DOK5: variants seen among roughly 807,000 people sequenced by gnomAD.
The protein encoded by DOK5 is downstream of tyrosine kinase 5.
Under a neutral mutation model 43.3 loss-of-function variants are expected in DOK5, and 27 were observed. The ratio of observed to expected loss-of-function variants is 0.62; its 90% CI spans 0.46 to 0.86. The LOEUF is 0.86. DOK5 is among the 40% of genes least tolerant of loss of function. The pLI is 0.00. For missense variants in DOK5, 373 were observed against 392.9 expected, an observed-to-expected ratio of 0.95 and a Z score of 0.43; for synonymous variants, 146 against 140.1, an observed-to-expected ratio of 1.04 and a Z score of -0.30.
At chr20:54,487,305 C>T (rs1435548852) in intron 1 of DOK5, among the ~76,000 whole-genome samples, 2 of 152,122 alleles carry the variant, frequency 1.3e-5, no homozygotes, top group Non-Finnish European at 2.9e-5. Context: ...GACTTAGGTG[C>T]AGAGTGTTCA....
At chr20:54,640,599 G>T (rs1233846190) in intron 6 of DOK5, among the ~76,000 whole-genome samples, 1 of 152,228 alleles carries the variant, frequency 6.6e-6, no homozygotes, top group African/African-American at 2.4e-5. Flanking sequence ...GAACTAGAGA[G>T]CCCGGCTTTG....
In DOK5 at chr20:54,621,450, G is replaced by C. The variant is rs534248221; in HGVS notation, c.735+10927G>C. ...CTCACGCCTGTAATCCCAGCACTTT[G>C]GAAGGCTGAAGCGGGCAGATCACTT... On this transcript the variant is annotated intron_variant, in intron 6 of 7. Transcript: ENST00000262593. 1.6e-4 allele frequency among the ~76,000 whole-genome samples: 24 copies of C among 152,304 alleles called. No homozygotes were observed. The South Asian group carries it at 4.8e-3, about 30-fold the overall frequency.
intron 5 of DOK5, among the ~76,000 whole-genome samples, chr20:54,603,713 C>T (rs1361781442): frequency 6.6e-6 from 1 of 152,130 alleles, no homozygotes; most frequent in African/African-American, 2.4e-5. Context: ...CAGACCACGT[C>T]AGTGTTGCTG....
intron 1 of DOK5, among the ~76,000 whole-genome samples, chr20:54,544,951 T>C (rs373205540): frequency 6.6e-6 from 1 of 152,216 alleles, no homozygotes; most frequent in South Asian, 2.1e-4. Flanking sequence ...TCTTTATGCC[T>C]ACATCTTAGC....
chr20:54,634,286 A>G (rs890165104), intron 6 of DOK5, among the ~76,000 whole-genome samples: 1 of 124,638 alleles, frequency 8.0e-6, no homozygotes, highest in East Asian at 2.6e-4. Flanking sequence ...CAAGGCTTTT[A>G]CTGTGCTGTT....
chr20:54,621,510 G>A (rs1316533414), intron 6 of DOK5, among the ~76,000 whole-genome samples: 2 of 152,070 alleles, frequency 1.3e-5, no homozygotes, highest in Non-Finnish European at 2.9e-5. Flanking sequence ...TGGCCAACAT[G>A]GTGAAACCCT....
At chr20:54,618,321 T>G (rs1986876574) in intron 6 of DOK5, among the ~76,000 whole-genome samples, 1 of 150,932 alleles carries the variant, frequency 6.6e-6, no homozygotes, top group Admixed American at 6.6e-5. Context: ...CCACTGAGCA[T>G]GGTCTTAGCA....
chr20:54,643,304 C>G (rs1600763101), intron 6 of DOK5, among the ~76,000 whole-genome samples, 154 bp from the exon 7 acceptor site: 3 of 152,352 alleles, frequency 2.0e-5, no homozygotes, highest in East Asian at 3.9e-4. Context: ...AAAACAGTAG[C>G]TGGCCACCAT....
chr20:54,620,960 C>T (rs1186404543), intron 6 of DOK5, among the ~76,000 whole-genome samples: 2 of 152,142 alleles, frequency 1.3e-5, no homozygotes, highest in Non-Finnish European at 2.9e-5. Flanking sequence ...CAGATTATGG[C>T]ACATGATATA....
intron 5 of DOK5, among the ~76,000 whole-genome samples, chr20:54,592,541 ATT>A (rs767769473): frequency 7.9e-5 from 11 of 139,996 alleles, no homozygotes; most frequent in Non-Finnish European, 9.4e-5. Flanking sequence ...ACTGCAGGTA[ATT>A]TTTTTTTTTT....
At chr20:54,514,988 T>G (rs2146690893) in intron 1 of DOK5, among the ~76,000 whole-genome samples, 1 of 152,110 alleles carries the variant, frequency 6.6e-6, no homozygotes, top group South Asian at 2.1e-4. Context: ...AGGACCTAAC[T>G]TCAGGCTCTG....
intron 1 of DOK5, among the ~76,000 whole-genome samples, chr20:54,548,443 C>T (rs1263028298): frequency 6.6e-6 from 1 of 151,808 alleles, no homozygotes; most frequent in Non-Finnish European, 1.5e-5. Flanking sequence ...CACCATGTTG[C>T]CCAGGCTGGT....
In DOK5 at chr20:54,627,220, C is replaced by T. The variant is rs552766824; in HGVS notation, c.736-16238C>T. ...AACACAACAACATCAAAACCAATACCGCAACAATTATCCTTGTACACAGTT... is the reference window on the plus strand; with the variant it reads ...AACACAACAACATCAAAACCAATACTGCAACAATTATCCTTGTACACAGTT... On this transcript the variant is annotated intron_variant, in intron 6 of 7. Transcript: ENST00000262593. Among the ~76,000 whole-genome samples, 7 of 152,200 alleles carry T rather than the reference C, an allele frequency of 4.6e-5. No homozygotes were observed. The South Asian group carries it at 1.0e-3, about 23-fold the overall frequency.
intron 2 of DOK5, among the ~76,000 whole-genome samples, chr20:54,568,347 A>G (rs1157405028): frequency 6.6e-6 from 1 of 152,242 alleles, no homozygotes; most frequent in Admixed American, 6.5e-5. Context: ...ATTTGTATGC[A>G]TATGTGCATA....
At chr20:54,600,833 G>C (rs1490554206) in intron 5 of DOK5, among the ~76,000 whole-genome samples, 1 of 152,204 alleles carries the variant, frequency 6.6e-6, no homozygotes, top group Non-Finnish European at 1.5e-5. Flanking sequence ...CCTTGCAGGA[G>C]ATCCTAGCAA....
intron 1 of DOK5, among the ~76,000 whole-genome samples, chr20:54,536,704 G>T (rs900253597): frequency 6.6e-5 from 10 of 152,298 alleles, no homozygotes; most frequent in African/African-American, 2.4e-4. Context: ...TTTTAGATAA[G>T]AGCTGCTCTA....
intron 1 of DOK5, among the ~76,000 whole-genome samples, chr20:54,511,483 G>A (rs1983014666): frequency 6.6e-6 from 1 of 152,198 alleles, no homozygotes; most frequent in African/African-American, 2.4e-5. Flanking sequence ...TTTAAAATGT[G>A]TTTCTAGTAT....
rs115270404 is a variant in DOK5 at position 54,522,090 on chromosome 20, C to A, written c.67-32843C>A. ...TTATTACTGGTCTCATTTAGCACCC[C>A]AAGCAGTGCCTAATACACCACAGAC... On this transcript the variant is annotated intron_variant, in intron 1 of 7. Coordinates refer to ENST00000262593, the MANE Select transcript of DOK5 (RefSeq NM_018431.5). Among the ~76,000 whole-genome samples the A allele has an allele frequency of 5.0e-3, 768 of 152,224 alleles. 6 individuals are homozygous for A. Among genetic ancestry groups the A allele is most frequent in the African/African-American group, 0.018 (735 of 41,512 alleles).
intron 1 of DOK5, among the ~76,000 whole-genome samples, chr20:54,481,025 ATCTATCTATCATCTATCTATCATCTG>A (rs1568746309): frequency 1.2e-3 from 138 of 112,050 alleles, no homozygotes; most frequent in African/African-American, 5.6e-3. Flanking sequence ...TCTATCTATC[ATCTATCTATCATCTATCTATCATCTG>A]TCTATCATCT....
Sources: gnomAD v4.1 joint callset for allele counts (sites outside exome capture counted in the v4.1 genomes callset) on GRCh38, gnomAD v4.1.1 for gene constraint, MANE v1.5 for transcripts, NCBI Gene and HGNC (gene_info 2026-07-23, HGNC 2026-07-21) for gene names.